Variants in P2RY14 observed in about 807,000 individuals in gnomAD.
P2RY14 encodes P2Y purinoceptor 14.
A neutral mutation model predicts 0.9 loss-of-function variants in P2RY14; 2 were observed. The observed-to-expected ratio is 2.16, with a 90% CI of 0.88 to 6.79. The LOEUF (loss-of-function observed/expected upper bound fraction) is 6.79, where lower values mean the gene tolerates loss of function less well. Among genes scored for constraint, P2RY14 ranks in the 30% most tolerant of loss-of-function variants. The probability of loss-of-function intolerance (pLI) is 0.05; values close to 1 mark genes in which losing one functional copy is unlikely to be tolerated. For missense variants in P2RY14, 378 were observed against 400.1 expected, an observed-to-expected ratio of 0.94 and a Z score of 0.47; for synonymous variants, 158 against 147.2, an observed-to-expected ratio of 1.07 and a Z score of -0.53.
In P2RY14 at chr3:151,269,217, A is replaced by G. The variant is rs537862082; in HGVS notation, c.-133+9070T>C. On this transcript the variant is annotated intron_variant, in intron 1 of 2. Transcript: ENST00000309170. ...GGAGTTCGAGACCAGCCTGACCAAC[A>G]TGCAGAAACCCCATCTCTACTAAAA... 1.7e-3 allele frequency among the ~76,000 whole-genome samples: 256 copies of G among 152,276 alleles called. 2 individuals carry two copies. Among genetic ancestry groups the G allele is most frequent in the Middle Eastern group, 6.8e-3 (2 of 294 alleles).
At chr3:151,249,915 A>G (rs1355666699) in intron 1 of P2RY14, among the ~76,000 whole-genome samples, 1 of 152,162 alleles carries the variant, frequency 6.6e-6, no homozygotes. Context: ...GGCCTATAGC[A>G]TCAACTTTTC....
At chr3:151,255,388 G>A (rs776089518) in intron 1 of P2RY14, among the ~76,000 whole-genome samples, 2 of 151,676 alleles carry the variant, frequency 1.3e-5, no homozygotes, top group African/African-American at 4.9e-5. Flanking sequence ...TAGATAATGA[G>A]CATCCAGTAG....
chr3:151,228,332 A>G (rs569485568), intron 1 of P2RY14, among the ~76,000 whole-genome samples: 3 of 152,264 alleles, frequency 2.0e-5, no homozygotes, highest in Non-Finnish European at 2.9e-5. Flanking sequence ...AGCTACATCT[A>G]GGGTTCCTGT....
At chr3:151,224,904 C>T (rs1730183591) in intron 1 of P2RY14, among the ~76,000 whole-genome samples, 1 of 152,106 alleles carries the variant, frequency 6.6e-6, no homozygotes, top group African/African-American at 2.4e-5. Context: ...TTGCCAAGGC[C>T]GTTTGTTCAT....
At chr3:151,274,810 T>C (rs900690549) in intron 1 of P2RY14, among the ~76,000 whole-genome samples, 1 of 152,356 alleles carries the variant, frequency 6.6e-6, no homozygotes, top group Admixed American at 6.5e-5. Context: ...TCTGTTAGAA[T>C]GTAAGCCACC....
chr3:151,231,261 A>G (rs1415577656), intron 1 of P2RY14, among the ~76,000 whole-genome samples: 2 of 152,252 alleles, frequency 1.3e-5, no homozygotes, highest in Non-Finnish European at 2.9e-5. Flanking sequence ...CCTCAGTGTG[A>G]TAACTGATTC....
At position 151,243,510 on chromosome 3, in the gene P2RY14, G is replaced by C. The variant is rs191726650; in HGVS notation, c.-132-23868C>G. ...TTCAACCTGGAATTTCATATCCAGC[G>C]AAACTAAGCTTCATAAGCGAAGGAG... On this transcript the variant is annotated intron_variant, in intron 1 of 2. Transcript: ENST00000309170. Among the ~76,000 whole-genome samples, 1,059 of 152,174 alleles carry C rather than the reference G, an allele frequency of 7.0e-3. 7 individuals carry two copies. The highest frequency in any genetic ancestry group is 0.016 in the South Asian group (75 of 4,812).
chr3:151,265,886 G>C (rs970438555), intron 1 of P2RY14, among the ~76,000 whole-genome samples: 4 of 152,186 alleles, frequency 2.6e-5, no homozygotes, highest in African/African-American at 9.7e-5. Context: ...TCATGGAAAG[G>C]CTTGGAGCAG....
chr3:151,217,792 T>A (rs548702419), intron 2 of P2RY14, among the ~76,000 whole-genome samples: 25 of 152,268 alleles, frequency 1.6e-4, no homozygotes, highest in African/African-American at 5.1e-4. Flanking sequence ...GATTTTTTTT[T>A]AAAAGCAGTG....
intron 1 of P2RY14, among the ~76,000 whole-genome samples, chr3:151,248,562 C>T (rs1736211363): frequency 6.6e-6 from 1 of 152,136 alleles, no homozygotes; most frequent in Admixed American, 6.6e-5. Context: ...TGTCACTACC[C>T]ACATACCCAT....
At chr3:151,237,579 G>A (rs1000063757) in intron 1 of P2RY14, among the ~76,000 whole-genome samples, 2 of 150,490 alleles carry the variant, frequency 1.3e-5, no homozygotes, top group African/African-American at 4.9e-5. Flanking sequence ...TCGAACTCCT[G>A]ACCTCAGGTG....
intron 1 of P2RY14, among the ~76,000 whole-genome samples, chr3:151,241,412 G>C (rs751261401): frequency 6.6e-6 from 1 of 152,036 alleles, no homozygotes; most frequent in African/African-American, 2.4e-5. Context: ...TTCTCCTCAG[G>C]CTATCTTGAA....
intron 1 of P2RY14, chr3:151,269,434 CACACACAA>C (rs1740461819): frequency 5.0e-6 from 1 of 198,048 alleles, no homozygotes; most frequent in African/African-American, 2.6e-5. Flanking sequence ...CACACACACA[CACACACAA>C]AATTCAGAGA....
At chr3:151,268,392 G>A (rs555857545) in intron 1 of P2RY14, among the ~76,000 whole-genome samples, 1 of 152,262 alleles carries the variant, frequency 6.6e-6, no homozygotes, top group South Asian at 2.1e-4. Context: ...AAAATATGGT[G>A]AGCATACTGC....
chr3:151,272,959 T>C (rs911267692), intron 1 of P2RY14, among the ~76,000 whole-genome samples: 1 of 152,184 alleles, frequency 6.6e-6, no homozygotes, highest in Non-Finnish European at 1.5e-5. Context: ...AGTGCTTCAA[T>C]ATCCGAAACT....
chr3:151,213,662 T>C lies in P2RY14; in HGVS notation c.655A>G (p.Lys219Glu). 6.2e-7 allele frequency: 1 copy of C among 1,614,228 alleles called. No homozygotes were observed. The highest frequency in any genetic ancestry group is 8.5e-7 in the Non-Finnish European group (1 of 1,180,034). Residue 219 changes from lysine (K) to glutamate (E), a missense_variant, in exon 3 of 3, where the codon AAG (lysine) becomes GAG (glutamate). Transcript: ENST00000309170. ...ITKKIFKSHL[K>E]SSRNSTSVKK... The stretch of plus-strand genomic sequence containing the variant: ...ACCGAAGTGGAATTCCGACTTGACT[T>C]AAGGTGGGACTTAAAGATTTTCTTT...
chr3:151,266,527 C>T (rs898082028), intron 1 of P2RY14, among the ~76,000 whole-genome samples: 3 of 152,142 alleles, frequency 2.0e-5, no homozygotes, highest in Admixed American at 6.5e-5. Flanking sequence ...TTTTAAAAAT[C>T]GCGTTTCAAT....
At chr3:151,233,829 C>T (rs1163236691) in intron 1 of P2RY14, among the ~76,000 whole-genome samples, 7 of 152,238 alleles carry the variant, frequency 4.6e-5, no homozygotes, top group Non-Finnish European at 1.0e-4. Flanking sequence ...ATCCGCCTTT[C>T]TCCGCCTTGT....
chr3:151,259,525 G>C (rs1187622618), intron 1 of P2RY14, among the ~76,000 whole-genome samples: 2 of 152,148 alleles, frequency 1.3e-5, no homozygotes, highest in Admixed American at 6.5e-5. Flanking sequence ...GCAAACTGGG[G>C]TATGTGTTCA....
Sources: gnomAD v4.1 joint callset for allele counts (sites outside exome capture counted in the v4.1 genomes callset) on GRCh38, gnomAD v4.1.1 for gene constraint, MANE v1.5 for transcripts, NCBI Gene and HGNC (gene_info 2026-07-23, HGNC 2026-07-21) for gene names.